Variants in UBE2H observed in about 807,000 individuals in gnomAD.
The protein encoded by UBE2H is ubiquitin conjugating enzyme E2 H, also known as ubiquitin-conjugating enzyme E2 H.
A neutral mutation model predicts 29.0 loss-of-function variants in UBE2H; 3 were observed. That is an observed-to-expected ratio of 0.10 (90% CI 0.05 to 0.27). The LOEUF is 0.27. Ranked by LOEUF, UBE2H falls within the 10% of genes least tolerant of loss-of-function variation. The pLI is 1.00. For synonymous variants in UBE2H, 69 were observed against 82.9 expected, an observed-to-expected ratio of 0.83 and a Z score of 0.91; for missense variants, 68 against 228.2, an observed-to-expected ratio of 0.30 and a Z score of 4.52.
intron 3 of UBE2H, among the ~76,000 whole-genome samples, chr7:129,867,726 A>T (rs1254393418): frequency 9.4e-6 from 1 of 106,024 alleles, no homozygotes; most frequent in Admixed American, 9.0e-5. Flanking sequence ...AAGAAAACCA[A>T]AAAAAAAAAA....
intron 5 of UBE2H, among the ~76,000 whole-genome samples, chr7:129,844,610 TAC>T (rs1227458143): frequency 6.6e-6 from 1 of 152,090 alleles, no homozygotes; most frequent in Non-Finnish European, 1.5e-5. Context: ...ACCTGTAGAG[TAC>T]AGTCAGCCGA....
intron 1 of UBE2H, among the ~76,000 whole-genome samples, chr7:129,904,424 T>C (rs1806776382): frequency 6.6e-6 from 1 of 152,192 alleles, no homozygotes; most frequent in Non-Finnish European, 1.5e-5. Flanking sequence ...CAGGCCTTTA[T>C]GGTGTGTCTA....
At chr7:129,891,853 T>C (rs17559301) in intron 1 of UBE2H, among the ~76,000 whole-genome samples, 9,468 of 151,656 alleles carry the variant, frequency 0.062, 372 homozygotes, top group Non-Finnish European at 0.092. Flanking sequence ...CCTAAATGAA[T>C]TGCCACAAAA....
intron 1 of UBE2H, among the ~76,000 whole-genome samples, chr7:129,887,823 C>T (rs764273828): frequency 6.6e-6 from 1 of 152,072 alleles, no homozygotes; most frequent in African/African-American, 2.4e-5. Context: ...GCCAAAGTTA[C>T]GGTGAGCTGA....
intron 3 of UBE2H, among the ~76,000 whole-genome samples, chr7:129,870,000 T>C (rs1394726559): frequency 2.0e-5 from 3 of 152,168 alleles, no homozygotes; most frequent in Non-Finnish European, 4.4e-5. Context: ...TTCCCCTAAC[T>C]CTCTCCTCTA....
At chr7:129,890,248 TATACATACACAC>T in intron 1 of UBE2H, among the ~76,000 whole-genome samples, 1 of 145,320 alleles carries the variant, frequency 6.9e-6, no homozygotes, top group East Asian at 2.0e-4. Context: ...TATACACACG[TATACATACACAC>T]GTATATATAC....
intron 5 of UBE2H, chr7:129,857,179 A>G (rs1362603324): frequency 2.8e-5 from 6 of 214,764 alleles, no homozygotes; most frequent in Non-Finnish European, 1.8e-5. Context: ...TTTTTCCAAA[A>G]CCAAAATATG....
chr7:129,861,223 A>C (rs1352535491), intron 3 of UBE2H, among the ~76,000 whole-genome samples: 1 of 140,668 alleles, frequency 7.1e-6, no homozygotes, highest in African/African-American at 2.6e-5. Flanking sequence ...GACTGTCTTT[A>C]AAAAAAAAAA....
At chr7:129,938,665 C>A (rs1807580774) in intron 1 of UBE2H, among the ~76,000 whole-genome samples, 1 of 149,734 alleles carries the variant, frequency 6.7e-6, no homozygotes, top group Non-Finnish European at 1.5e-5. Context: ...GAGATTACGC[C>A]ATTGCACTCC....
chr7:129,930,987 G>T (rs1194837423), intron 1 of UBE2H, among the ~76,000 whole-genome samples: 1 of 151,166 alleles, frequency 6.6e-6, no homozygotes, highest in African/African-American at 2.4e-5. Flanking sequence ...GGGAGGCTGA[G>T]GCAGGTGGAT....
Position 129,885,596 on chromosome 7 carries a change from A to G in UBE2H, c.54-4625T>C, listed in dbSNP as rs573742972. Among the ~76,000 whole-genome samples the G allele has an allele frequency of 3.3e-5, 5 of 152,342 alleles. No homozygotes were observed. In the South Asian group the frequency reaches 1.0e-3, roughly 32 times the overall value. On this transcript the variant is annotated intron_variant, in intron 1 of 6. Transcript: ENST00000355621. ...CCCATGATCCCCAGTAATAGCCCAC[A>G]TGCCAGCTACAATGGGATTGTCTTT...
At chr7:129,858,067 C>T (rs1298501251) in intron 4 of UBE2H, among the ~76,000 whole-genome samples, 1 of 152,048 alleles carries the variant, frequency 6.6e-6, no homozygotes, top group Non-Finnish European at 1.5e-5. Context: ...AACATGACAA[C>T]TAAATGTAAT....
chr7:129,920,069 T>G (rs550232856), intron 1 of UBE2H, among the ~76,000 whole-genome samples: 1 of 152,368 alleles, frequency 6.6e-6, no homozygotes, highest in Non-Finnish European at 1.5e-5. Flanking sequence ...ATTAGACTAT[T>G]ATTTGTCAAA....
At chr7:129,952,216 A>C (rs1375886206) in intron 1 of UBE2H, among the ~76,000 whole-genome samples, 1 of 152,126 alleles carries the variant, frequency 6.6e-6, no homozygotes, top group African/African-American at 2.4e-5. Flanking sequence ...AAAAAGAAAA[A>C]AGGCCGTCTC....
intron 1 of UBE2H, among the ~76,000 whole-genome samples, chr7:129,919,324 A>T (rs893778026): frequency 2.6e-5 from 4 of 152,134 alleles, no homozygotes; most frequent in African/African-American, 9.7e-5. Context: ...TTAATACCAG[A>T]ATCCATTCCT....
chr7:129,853,317 A>G (rs1223738677), intron 5 of UBE2H, among the ~76,000 whole-genome samples: 1 of 152,232 alleles, frequency 6.6e-6, no homozygotes, highest in Non-Finnish European at 1.5e-5. Context: ...AGTCCTTAAA[A>G]TTAATTTGTT....
intron 1 of UBE2H, among the ~76,000 whole-genome samples, chr7:129,946,021 T>C (rs4731638): frequency 0.13 from 19,405 of 151,494 alleles, 1,567 homozygotes; most frequent in East Asian, 0.31. Flanking sequence ...GCTGGATGTA[T>C]AGGCATGAGC....
chr7:129,930,424 A>G (rs1484969143), intron 1 of UBE2H, among the ~76,000 whole-genome samples: 1 of 151,262 alleles, frequency 6.6e-6, no homozygotes, highest in Non-Finnish European at 1.5e-5. Context: ...TTGGCCTCCC[A>G]AAGTGTTGGG....
intron 1 of UBE2H, among the ~76,000 whole-genome samples, chr7:129,897,144 T>C (rs991111411): frequency 6.6e-6 from 1 of 151,458 alleles, no homozygotes; most frequent in African/African-American, 2.4e-5. Flanking sequence ...TCATCTTCCT[T>C]TCCTTCCCTA....
Sources: allele counts gnomAD v4.1 joint callset (sites outside exome capture counted in the v4.1 genomes callset), GRCh38; gene constraint gnomAD v4.1.1; transcripts MANE v1.5; gene names NCBI Gene and HGNC (gene_info 2026-07-23, HGNC 2026-07-21).